Variants in SLC12A3 observed in about 807,000 individuals in gnomAD.
The protein encoded by SLC12A3 is solute carrier family 12 member 3.
Under a neutral mutation model 121.0 loss-of-function variants are expected in SLC12A3, and 104 were observed. The observed-to-expected ratio is 0.86, with a 90% CI of 0.73 to 1.01. The LOEUF is 1.01. SLC12A3 is among the 50% of genes least tolerant of loss of function. The probability of loss-of-function intolerance (pLI) is 0.00; values close to 1 mark genes in which losing one functional copy is unlikely to be tolerated. For missense variants in SLC12A3, 1,328 were observed against 1,356.3 expected (o/e 0.98, Z 0.33); for synonymous variants, 536 against 533.4 (o/e 1.00, Z -0.07).
At chr16:56,900,549 G>A (rs1421378476) in intron 23 of SLC12A3, among the ~76,000 whole-genome samples, 1 of 67,672 alleles carries the variant, frequency 1.5e-5, no homozygotes, top group Admixed American at 1.3e-4. Context: ...ATTTATTTAT[G>A]AGATAGAGTC....
intron 25 of SLC12A3, among the ~76,000 whole-genome samples, chr16:56,905,296 C>T (rs2144774568): frequency 7.3e-6 from 1 of 137,622 alleles, no homozygotes; most frequent in Non-Finnish European, 1.5e-5. Flanking sequence ...CCGAGGTTGC[C>T]CCATTTCACT....
At chr16:56,893,971 T>TTTTATTTATTTATTTATTTA (rs56844793) in intron 21 of SLC12A3, among the ~76,000 whole-genome samples, 1 of 116,868 alleles carries the variant, frequency 8.6e-6, no homozygotes, top group Non-Finnish European at 1.8e-5. Flanking sequence ...TTTATTTTTA[T>TTTTATTTATTTATTTATTTA]TTTATTTATT....
At position 56,872,762 on chromosome 16, in the gene SLC12A3, G is replaced by A. The variant is rs770842475; in HGVS notation, c.1071G>A (p.Gly357=). ...FFPSATGILA[G]ANISGDLKDP... ...CCTCGGCCACAGGCATCCTGGCAGG[G>A]GCCAACATATCTGGTGACCTCAAGG... Residue 357 remains glycine, a synonymous_variant, in exon 8 of 26, where the codon GGG becomes GGA. Transcript: ENST00000563236. 3.1e-6 allele frequency: 5 copies of A among 1,614,124 alleles called. No individual in the cohort carries two copies. The highest frequency in any genetic ancestry group is 4.2e-6 in the Non-Finnish European group (5 of 1,180,052).
intron 8 of SLC12A3, among the ~76,000 whole-genome samples, chr16:56,877,794 A>G (rs2055182442): frequency 6.6e-6 from 1 of 152,122 alleles, no homozygotes; most frequent in East Asian, 1.9e-4. Context: ...GAGCTGTTGA[A>G]TTTCTTCTCT....
chr16:56,913,519 C>A lies in SLC12A3; in HGVS notation c.*114C>A. Reference sequence around the variant, plus strand: ...TGTTCTGTTGCACTTTAAGTGGCAGCATCTGATGATCTCACCGAAAAAGAT... The same window carrying A: ...TGTTCTGTTGCACTTTAAGTGGCAGAATCTGATGATCTCACCGAAAAAGAT... On this transcript the variant is annotated 3_prime_UTR_variant, in exon 26 of 26. Transcript: ENST00000563236. 1.8e-6 allele frequency: 2 copies of A among 1,085,156 alleles called. No homozygotes were observed. The highest frequency in any genetic ancestry group is 1.3e-5 in the South Asian group (1 of 79,732). The allele number at this position is 1,085,156 out of a possible 1,614,324, so 67.2% of individuals were successfully genotyped here. A position where few individuals can be genotyped will look rare whatever the true frequency, so the allele number is the denominator to read the frequency against.
At position 56,882,507 on chromosome 16, in the gene SLC12A3, C is replaced by A. The variant is rs1181748419; in HGVS notation, c.1669+10C>A. 6 of 1,607,174 alleles carry A rather than the reference C, an allele frequency of 3.7e-6. No homozygotes were observed. Among genetic ancestry groups the A allele is most frequent in the South Asian group, 1.1e-5 (1 of 90,924 alleles). On this transcript the variant is annotated intron_variant, in intron 13 of 25. Coordinates refer to ENST00000563236, the MANE Select transcript of SLC12A3 (RefSeq NM_001126108.2). ...ATCACCAACTCGCCTGGTAAGCAAA[C>A]CCTTCACCCACCTCAGGAGGAGGCA...
At chr16:56,886,755 C>A (rs1159824882) in intron 16 of SLC12A3, among the ~76,000 whole-genome samples, 198 bp from the exon 17 acceptor site, 3 of 152,068 alleles carry the variant, frequency 2.0e-5, no homozygotes, top group Non-Finnish European at 2.9e-5. Flanking sequence ...AGCTGCCCTG[C>A]CTCTTTTCTG....
chr16:56,892,742 C>T, intron 20 of SLC12A3, among the ~76,000 whole-genome samples: 1 of 152,186 alleles, frequency 6.6e-6, no homozygotes, highest in East Asian at 1.9e-4. Context: ...GGACTGCCCC[C>T]ACCCCCAGTA....
In SLC12A3 at chr16:56,902,454, G is replaced by A. The variant is rs773986097; in HGVS notation, c.2802G>A (p.Arg934=). Residue 934 remains arginine (R), a synonymous_variant, in exon 24 of 26, where the codon CGG becomes CGA. Coordinates refer to ENST00000563236, the MANE Select transcript of SLC12A3 (RefSeq NM_001126108.2). ...ATGAGGCCACTGTCAACGAGATGCG[G>A]CGGGACTGCCCCTGGAAGATCTCAG... ...FKDEATVNEM[R]RDCPWKISDE... 6.2e-7 allele frequency: 1 copy of A among 1,613,754 alleles called. No individual in the cohort carries two copies. Among genetic ancestry groups the A allele is most frequent in the Admixed American group, 1.7e-5 (1 of 59,982 alleles).
chr16:56,885,637 G>A (rs959370687), intron 15 of SLC12A3, among the ~76,000 whole-genome samples: 1 of 152,132 alleles, frequency 6.6e-6, no homozygotes, highest in East Asian at 1.9e-4. Flanking sequence ...TGTTGCTGCA[G>A]CTCCCATCAC....
At chr16:56,890,558 G>A (rs1287525088) in intron 19 of SLC12A3, among the ~76,000 whole-genome samples, 1 of 152,190 alleles carries the variant, frequency 6.6e-6, no homozygotes, top group Non-Finnish European at 1.5e-5. Flanking sequence ...GGCAGAGCCA[G>A]GACTGGAACT....
intron 19 of SLC12A3, 53 bp from the exon 20 acceptor site, chr16:56,892,030 C>A: frequency 2.2e-6 from 3 of 1,368,244 alleles, no homozygotes. Context: ...GAGGAACCCA[C>A]GGTGCCCTCA....
At chr16:56,881,358 G>C (rs79228994) in intron 12 of SLC12A3, among the ~76,000 whole-genome samples, 2 of 152,110 alleles carry the variant, frequency 1.3e-5, no homozygotes, top group African/African-American at 4.8e-5. Context: ...GATGTTCCCC[G>C]GCCCCGTCTC....
At chr16:56,901,143 G>A (rs1202294143) in intron 23 of SLC12A3, among the ~76,000 whole-genome samples, 1 of 152,050 alleles carries the variant, frequency 6.6e-6, no homozygotes, top group Non-Finnish European at 1.5e-5. Flanking sequence ...CCTTCCACTG[G>A]TTTCCTCCTG....
chr16:56,886,322 C>G, intron 15 of SLC12A3, 42 bp from the exon 16 acceptor site: 2 of 1,476,912 alleles, frequency 1.4e-6, no homozygotes, highest in Non-Finnish European at 1.9e-6. Context: ...CCCCCGTGGG[C>G]TCTCTCCTGA....
intron 12 of SLC12A3, among the ~76,000 whole-genome samples, chr16:56,881,626 G>A (rs2144717588): frequency 6.6e-6 from 1 of 152,270 alleles, no homozygotes; most frequent in Admixed American, 6.5e-5. Flanking sequence ...TATCTGGGGT[G>A]CTGGGGGCAG....
rs142329983 is a variant in SLC12A3, at chr16:56,884,368, G to C, written c.1825+164G>C. On this transcript the variant is annotated intron_variant, in intron 14 of 25. Coordinates refer to ENST00000563236, the MANE Select transcript of SLC12A3 (RefSeq NM_001126108.2). ...CCTCCCAATGTGGCAAGAAACCCCA[G>C]GGGATGTCCCCACTCAGGGCCTATG... Among the ~76,000 whole-genome samples, 646 of 152,294 alleles carry C rather than the reference G, an allele frequency of 4.2e-3. 2 individuals are homozygous for C. The highest frequency in any genetic ancestry group is 6.9e-3 in the Non-Finnish European group (467 of 68,004).
At chr16:56,906,679 A>G in intron 25 of SLC12A3, 1 of 486,328 alleles carries the variant, frequency 2.1e-6, no homozygotes. Context: ...AAAATATACA[A>G]GACCACACTG....
intron 25 of SLC12A3, among the ~76,000 whole-genome samples, chr16:56,910,684 G>A (rs2055673517): frequency 6.6e-6 from 1 of 152,302 alleles, no homozygotes; most frequent in African/African-American, 2.4e-5. Flanking sequence ...CTTTAGAGAT[G>A]AGGAAGCAGC....
Sources: gnomAD v4.1 joint callset for allele counts (sites outside exome capture counted in the v4.1 genomes callset) on GRCh38, gnomAD v4.1.1 for gene constraint, MANE v1.5 for transcripts, NCBI Gene and HGNC (gene_info 2026-07-23, HGNC 2026-07-21) for gene names.